Variants in STK32B observed in about 807,000 individuals in gnomAD.
STK32B encodes the protein serine/threonine-protein kinase 32B.
Under a neutral mutation model 52.6 loss-of-function variants are expected in STK32B, and 43 were observed. The ratio of observed to expected loss-of-function variants is 0.82; its 90% CI spans 0.64 to 1.05. The LOEUF is 1.05. STK32B is among the 50% of genes least tolerant of loss of function. STK32B has a pLI of 0.00. For synonymous variants in STK32B, 238 were observed against 204.3 expected, an observed-to-expected ratio of 1.17 and a Z score of -1.41; for missense variants, 621 against 534.6, an observed-to-expected ratio of 1.16 and a Z score of -1.59.
chr4:5,320,678 G>A (rs947830983), intron 3 of STK32B, among the ~76,000 whole-genome samples: 1 of 152,156 alleles, frequency 6.6e-6, no homozygotes, highest in African/African-American at 2.4e-5. Context: ...ACTGCTGAGG[G>A]TAAACAAGAC....
intron 4 of STK32B, among the ~76,000 whole-genome samples, chr4:5,387,101 C>T (rs892919918): frequency 6.6e-6 from 1 of 152,170 alleles, no homozygotes; most frequent in African/African-American, 2.4e-5. Flanking sequence ...CCTGGGAAAG[C>T]TGGGGGTCAC....
At chr4:5,207,877 CT>C (rs1442463038) in intron 3 of STK32B, among the ~76,000 whole-genome samples, 1 of 151,904 alleles carries the variant, frequency 6.6e-6, no homozygotes, top group Non-Finnish European at 1.5e-5. Flanking sequence ...CAGTTTATTA[CT>C]TTTATTTTAT....
rs762240009 is a variant in STK32B at position 5,051,939 on chromosome 4, T to G, written c.52+24T>G. The stretch of plus-strand genomic sequence containing the variant: ...AGGTAAGAGAGCGAGAGGTGCGAAT[T>G]CCCGCTTCGCGGGGCATCCCCTTCC... On this transcript the variant is annotated intron_variant, in intron 1 of 11. Coordinates refer to ENST00000282908, the MANE Select transcript of STK32B (RefSeq NM_018401.3). 13 of 1,575,224 alleles carry G rather than the reference T, an allele frequency of 8.3e-6. 1 individual carries two copies. In the South Asian group the frequency reaches 1.3e-4, roughly 16 times the overall value.
intron 3 of STK32B, among the ~76,000 whole-genome samples, chr4:5,228,723 T>C (rs1285347312): frequency 6.6e-6 from 1 of 152,150 alleles, no homozygotes; most frequent in South Asian, 2.1e-4. Context: ...ATCCTAGCAC[T>C]TTGGGAGGCC....
intron 3 of STK32B, among the ~76,000 whole-genome samples, chr4:5,182,566 A>T (rs1002160488): frequency 1.3e-5 from 2 of 151,284 alleles, no homozygotes; most frequent in African/African-American, 4.9e-5. Flanking sequence ...GGTTCAAGAG[A>T]TTTTCCTGCC....
At chr4:5,246,413 T>A (rs1725455279) in intron 3 of STK32B, among the ~76,000 whole-genome samples, 1 of 152,248 alleles carries the variant, frequency 6.6e-6, no homozygotes, top group African/African-American at 2.4e-5. Flanking sequence ...TGCCTTGGTT[T>A]TCAGCTCCAT....
At chr4:5,371,002 A>ATATATATATACGTATATATATG (rs1204029655) in intron 4 of STK32B, among the ~76,000 whole-genome samples, 1 of 118,422 alleles carries the variant, frequency 8.4e-6, no homozygotes, top group Non-Finnish European at 1.7e-5. Flanking sequence ...GTGTGTATAT[A>ATATATATATACGTATATATATG]TATATATATG....
chr4:5,147,406 CTTTA>C (rs1716996261), intron 2 of STK32B, among the ~76,000 whole-genome samples: 2 of 152,048 alleles, frequency 1.3e-5, no homozygotes, highest in African/African-American at 4.8e-5. Flanking sequence ...CTATTCTCCC[CTTTA>C]TTTATGCTTT....
rs1553850288 is a variant in STK32B at position 5,204,458 on chromosome 4, T to TTTTGTTTTG, written c.260+36011_260+36012insGTTTTGTTT. Among the ~76,000 whole-genome samples the TTTTGTTTTG allele has an allele frequency of 3.5e-3, 516 of 146,858 alleles. 8 individuals carry two copies. In the East Asian group the frequency reaches 0.051, roughly 15 times the overall value. On this transcript the variant is annotated intron_variant, in intron 3 of 11. Transcript: ENST00000282908. ...TTTGTTTGTTTTTGTTTTTTAGGTT[T>TTTTGTTTTG]TTTTGTTTTGTTTTGTTTTGTTTTG...
intron 4 of STK32B, among the ~76,000 whole-genome samples, chr4:5,363,828 G>C (rs1277410500): frequency 2.0e-5 from 3 of 151,956 alleles, no homozygotes; most frequent in Non-Finnish European, 4.4e-5. Flanking sequence ...CCCATTATTT[G>C]CCATAGAAGA....
intron 1 of STK32B, among the ~76,000 whole-genome samples, chr4:5,088,874 C>T (rs1379860511): frequency 6.6e-6 from 1 of 151,430 alleles, no homozygotes; most frequent in East Asian, 2.0e-4. Context: ...CCTAATCTTT[C>T]ACTTTAAGAA....
chr4:5,115,638 A>G (rs901378821), intron 1 of STK32B, among the ~76,000 whole-genome samples: 1 of 151,130 alleles, frequency 6.6e-6, no homozygotes, highest in Non-Finnish European at 1.5e-5. Context: ...AGTGCAGAGA[A>G]GCTCCTGACC....
chr4:5,154,330 C>T (rs908643326), intron 2 of STK32B, among the ~76,000 whole-genome samples: 3 of 151,850 alleles, frequency 2.0e-5, no homozygotes, highest in Non-Finnish European at 2.9e-5. Context: ...ATTCTGCTGC[C>T]TCAGCCTCCC....
At chr4:5,094,050 C>A (rs1449799181) in intron 1 of STK32B, among the ~76,000 whole-genome samples, 1 of 152,176 alleles carries the variant, frequency 6.6e-6, no homozygotes, top group Non-Finnish European at 1.5e-5. Flanking sequence ...TATAGCTACA[C>A]TGGCAGGCAT....
At chr4:5,388,462 T>C (rs879281528) in intron 4 of STK32B, among the ~76,000 whole-genome samples, 3 of 152,206 alleles carry the variant, frequency 2.0e-5, no homozygotes, top group African/African-American at 4.8e-5. Context: ...TTTGAACTGC[T>C]GTTCATGTGT....
At chr4:5,032,567 T>C in the STK32B span, among the ~76,000 whole-genome samples, 1 of 151,282 alleles carries the variant, frequency 6.6e-6, no homozygotes, top group South Asian at 2.1e-4. Context: ...ATTTCTGTTA[T>C]AATGAAAGAT....
chr4:5,192,349 T>C (rs928653750), intron 3 of STK32B, among the ~76,000 whole-genome samples: 3 of 152,136 alleles, frequency 2.0e-5, no homozygotes, highest in Non-Finnish European at 4.4e-5. Flanking sequence ...AAGATCAAGC[T>C]CAAGACTTTT....
At chr4:5,178,354 C>CA (rs1720089008) in intron 3 of STK32B, among the ~76,000 whole-genome samples, 1 of 152,200 alleles carries the variant, frequency 6.6e-6, no homozygotes, top group Admixed American at 6.5e-5. Flanking sequence ...CAAGACTGCA[C>CA]AAAAAACAAG....
At position 5,500,869 on chromosome 4, in the gene STK32B, T is replaced by G. The variant is rs561643451; in HGVS notation, c.*1786T>G. Reference sequence around the variant, plus strand: ...CTGGAGGCTCTTAAGATGATGATGGTTTTTTTTATTGGGCTGAGTTCACGA... The same window carrying G: ...CTGGAGGCTCTTAAGATGATGATGGGTTTTTTTATTGGGCTGAGTTCACGA... On this transcript the variant is annotated 3_prime_UTR_variant, in exon 12 of 12. Coordinates refer to ENST00000282908, the MANE Select transcript of STK32B (RefSeq NM_018401.3). The G allele has an allele frequency of 6.6e-6, 1 of 152,094 alleles. No homozygotes were observed. Among genetic ancestry groups the G allele is most frequent in the Admixed American group, 6.5e-5 (1 of 15,280 alleles). The allele number at this position is 152,094 out of a possible 1,614,324, so 9.4% of individuals were successfully genotyped here.
Sources: allele counts gnomAD v4.1 joint callset (sites outside exome capture counted in the v4.1 genomes callset), GRCh38; gene constraint gnomAD v4.1.1; transcripts MANE v1.5; gene names NCBI Gene and HGNC (gene_info 2026-07-23, HGNC 2026-07-21).